Variants in PLAGL1 observed in about 807,000 individuals in gnomAD.
PLAGL1 encodes PLAG1 like zinc finger 1, also known as zinc finger protein PLAGL1.
In PLAGL1, 1 loss-of-function variant was observed where a neutral mutation model predicts 4.6. That is an observed-to-expected ratio of 0.22 (90% CI 0.08 to 1.03). The LOEUF (loss-of-function observed/expected upper bound fraction) is 1.03. Among genes scored for constraint, PLAGL1 ranks in the 50% least tolerant of loss-of-function variants. The pLI is 0.58. For missense variants in PLAGL1, 464 were observed against 570.4 expected (o/e 0.81, Z 1.90); for synonymous variants, 240 against 237.8 (o/e 1.01, Z -0.08).
rs910760170 is a variant in PLAGL1 at position 143,942,877 on chromosome 6, G to A, written c.153-214C>T. Among the ~76,000 whole-genome samples, 1 of 151,664 alleles carries A rather than the reference G, an allele frequency of 6.6e-6. No homozygotes were observed. The highest frequency in any genetic ancestry group is 1.5e-5 in the Non-Finnish European group (1 of 67,968). On this transcript the variant is annotated intron_variant, in intron 7 of 7. Transcript: ENST00000674357. The surrounding 1 kb of genome is among the most constrained non-coding windows in gnomAD (Gnocchi z 7.6). ...AATACATTTTTCACACCTATAAAACGTTTTTTGAGACAGGATCTGACTCTT... is the reference window on the plus strand; with the variant it reads ...AATACATTTTTCACACCTATAAAACATTTTTTGAGACAGGATCTGACTCTT...
intron 1 of PLAGL1, among the ~76,000 whole-genome samples, chr6:144,019,309 TA>T (rs1238990611): frequency 1.3e-5 from 2 of 152,014 alleles, no homozygotes; most frequent in African/African-American, 4.8e-5. Context: ...CCGTCTCTAC[TA>T]AAAATACAAA....
At position 143,990,169 on chromosome 6, in the gene PLAGL1, G is replaced by A. The variant is rs1206871064; in HGVS notation, c.-583-4995C>T. Among the ~76,000 whole-genome samples, 1 of 150,752 alleles carries A rather than the reference G, an allele frequency of 6.6e-6. No homozygotes were observed. The highest frequency in any genetic ancestry group is 2.4e-5 in the African/African-American group (1 of 40,892). The stretch of plus-strand genomic sequence containing the variant: ...TGGAGTCTCGCTCTGTTGCCAGACT[G>A]GAGTGCAGTGGCATGATCTCAGCTC... On this transcript the variant is annotated intron_variant, in intron 1 of 7. Coordinates refer to ENST00000674357, the MANE Select transcript of PLAGL1 (RefSeq NM_001317162.2). The surrounding 1 kb of genome is among the most constrained non-coding windows in gnomAD (Gnocchi z 5.4).
Position 143,971,646 on chromosome 6 carries a change from C to T in PLAGL1, c.-543-2668G>A, listed in dbSNP as rs1467494010. ...ATCAAAATTTCCCTTAGACTTTTCA[C>T]TAAGAAGCAAAGCTGTTTGTTTGCC... On this transcript the variant is annotated intron_variant, in intron 2 of 7. Coordinates refer to ENST00000674357, the MANE Select transcript of PLAGL1 (RefSeq NM_001317162.2). The surrounding 1 kb of genome is among the most constrained non-coding windows in gnomAD (Gnocchi z 4.7). Among the ~76,000 whole-genome samples, 1 of 152,166 alleles carries T rather than the reference C, an allele frequency of 6.6e-6. No homozygotes were observed. Among genetic ancestry groups the T allele is most frequent in the Non-Finnish European group, 1.5e-5 (1 of 68,026 alleles).
rs557041362 is a variant in PLAGL1 at position 143,953,886 on chromosome 6, G to A, written c.-324-5426C>T. ...GGAAACAGGTATGAAAGCAGCAGGT[G>A]AAAGTCTGTTAGTGAAGCACTGAGC... On this transcript the variant is annotated intron_variant, in intron 6 of 7. Coordinates refer to ENST00000674357, the MANE Select transcript of PLAGL1 (RefSeq NM_001317162.2). This position sits in a 1 kb window ranked among gnomAD's most constrained non-coding sequence, Gnocchi z 5.3. Among the ~76,000 whole-genome samples, 12 of 152,346 alleles carry A rather than the reference G, an allele frequency of 7.9e-5. No homozygotes were observed. Among genetic ancestry groups the A allele is most frequent in the African/African-American group, 2.9e-4 (12 of 41,576 alleles).
Position 143,975,967 on chromosome 6 carries a change from C to A in PLAGL1, c.-543-6989G>T, listed in dbSNP as rs1038633732. ...CTTTCATGTTTTCAAAGAACTAACA[C>A]ATATCTTACTTCGTTGACCCTCACA... On this transcript the variant is annotated intron_variant, in intron 2 of 7. Coordinates refer to ENST00000674357, the MANE Select transcript of PLAGL1 (RefSeq NM_001317162.2). The surrounding 1 kb of genome is among the most constrained non-coding windows in gnomAD (Gnocchi z 5.8). 6.6e-6 allele frequency among the ~76,000 whole-genome samples: 1 copy of A among 152,322 alleles called. No homozygotes were observed. The highest frequency in any genetic ancestry group is 1.9e-4 in the East Asian group (1 of 5,188).
chr6:143,991,616 C>A (rs1790492345), intron 1 of PLAGL1, among the ~76,000 whole-genome samples: 1 of 152,200 alleles, frequency 6.6e-6, no homozygotes, highest in African/African-American at 2.4e-5. Context: ...TCCATTCTGG[C>A]CTTTCTCTAG....
chr6:144,026,234 CAA>C (rs1446649595), intron 1 of PLAGL1, among the ~76,000 whole-genome samples: 1 of 152,082 alleles, frequency 6.6e-6, no homozygotes, highest in Non-Finnish European at 1.5e-5. Context: ...GATTTAAAGC[CAA>C]AAGAGTTTGA....
At chr6:144,033,548 T>G (rs1472657044) in intron 1 of PLAGL1, among the ~76,000 whole-genome samples, 1 of 152,146 alleles carries the variant, frequency 6.6e-6, no homozygotes, top group Non-Finnish European at 1.5e-5. Context: ...CAGAAGGAAA[T>G]GAGGAACACA....
chr6:143,984,465 T>C lies in PLAGL1; in HGVS notation c.-544+670A>G, dbSNP rs993113758. The stretch of plus-strand genomic sequence containing the variant: ...CCATATGCTCATTTTCCATATAATA[T>C]CAGTTAACATCCTAAGGAATGAGTA... On this transcript the variant is annotated intron_variant, in intron 2 of 7. Transcript: ENST00000674357. The surrounding 1 kb of genome is among the most constrained non-coding windows in gnomAD (Gnocchi z 5.5). Among the ~76,000 whole-genome samples the C allele has an allele frequency of 2.0e-5, 3 of 152,044 alleles. No individual in the cohort carries two copies.
intron 1 of PLAGL1, among the ~76,000 whole-genome samples, chr6:144,045,443 A>C (rs2128720491): frequency 6.6e-6 from 1 of 152,246 alleles, no homozygotes; most frequent in East Asian, 1.9e-4. Flanking sequence ...TTCACTTATG[A>C]AGAAGCTTAG....
At position 143,941,669 on chromosome 6, in the gene PLAGL1, G is replaced by A. The variant is rs764612601; in HGVS notation, c.1147C>T (p.Leu383=). The change falls in exon 8 of 8, where the codon CTG becomes TTG. Residue 383 remains leucine, a synonymous_variant. Coordinates refer to ENST00000674357, the MANE Select transcript of PLAGL1 (RefSeq NM_001317162.2). This position sits in a 1 kb window ranked among gnomAD's most constrained non-coding sequence, Gnocchi z 6.0. The stretch of plus-strand genomic sequence containing the variant: ...GGGGGCAGCTGCCAGAAGCCCAACA[G>A]GGGGGACAGGTCCAGAGAGGCAGGT... ...TIPASLDLSP[L]LGFWQLPPPA... 5 of 1,614,082 alleles carry A rather than the reference G, an allele frequency of 3.1e-6. No homozygotes were observed. The highest frequency in any genetic ancestry group is 4.2e-6 in the Non-Finnish European group (5 of 1,180,012).
rs1268720741 is a variant in PLAGL1, at chr6:144,048,405, T to C, written c.-151+16063A>G. Reference sequence around the variant, plus strand: ...CCTCCTGGACTACGCTAGCAGAGGTTCTCCATGAGAGCTCCACCCCTGCAG... The same window carrying C: ...CCTCCTGGACTACGCTAGCAGAGGTCCTCCATGAGAGCTCCACCCCTGCAG... On this transcript the variant is annotated intron_variant, in intron 1 of 3. Transcript: ENST00000437412. The surrounding 1 kb of genome is among the most constrained non-coding windows in gnomAD (Gnocchi z 4.8). Among the ~76,000 whole-genome samples, 1 of 152,166 alleles carries C rather than the reference T, an allele frequency of 6.6e-6. No homozygotes were observed. Among genetic ancestry groups the C allele is most frequent in the South Asian group, 2.1e-4 (1 of 4,824 alleles).
chr6:144,057,617 A>T (rs1250506648), intron 1 of PLAGL1, among the ~76,000 whole-genome samples: 1 of 152,128 alleles, frequency 6.6e-6, no homozygotes, highest in East Asian at 1.9e-4. Context: ...CATTCCCTTC[A>T]ATCTTTCTCT....
intron 1 of PLAGL1, among the ~76,000 whole-genome samples, chr6:144,003,554 G>A (rs1192175618): frequency 6.6e-6 from 1 of 151,408 alleles, no homozygotes; most frequent in Non-Finnish European, 1.5e-5. Context: ...AACCTGGGAG[G>A]CGGAGTTTGC....
rs1456345069 is a variant in PLAGL1 at position 143,985,223 on chromosome 6, C to T, written c.-583-49G>A. The T allele has an allele frequency of 2.6e-5, 4 of 152,176 alleles. No homozygotes were observed. Among genetic ancestry groups the T allele is most frequent in the Non-Finnish European group, 5.9e-5 (4 of 68,024 alleles). 9.4% of individuals were successfully genotyped at this position (152,176 alleles called of 1,614,324 possible). On this transcript the variant is annotated intron_variant, in intron 1 of 7. Coordinates refer to ENST00000674357, the MANE Select transcript of PLAGL1 (RefSeq NM_001317162.2). This position sits in a 1 kb window ranked among gnomAD's most constrained non-coding sequence, Gnocchi z 4.4. ...TAGTTTTGTATAATATTTGCACATG[C>T]ATTTGTTAATTATAATTTTGAGATC...
intron 1 of PLAGL1, among the ~76,000 whole-genome samples, chr6:144,043,659 T>C (rs1398434898): frequency 7.2e-5 from 11 of 152,016 alleles, no homozygotes; most frequent in African/African-American, 2.7e-4. Flanking sequence ...GTGTCTCTGC[T>C]AGGCTTTGGT....
intron 1 of PLAGL1, among the ~76,000 whole-genome samples, chr6:144,041,998 T>C (rs1378379884): frequency 6.6e-6 from 1 of 152,228 alleles, no homozygotes; most frequent in African/African-American, 2.4e-5. Context: ...GAAGTATCTG[T>C]TCATATCCTT....
chr6:144,040,876 C>T (rs1797674304), intron 1 of PLAGL1, among the ~76,000 whole-genome samples: 1 of 151,776 alleles, frequency 6.6e-6, no homozygotes, highest in African/African-American at 2.4e-5. Context: ...GACTCTGTCT[C>T]AAAAACAAAA....
Position 143,989,402 on chromosome 6 carries a change from C to G in PLAGL1, c.-583-4228G>C, listed in dbSNP as rs554916966. Among the ~76,000 whole-genome samples the G allele has an allele frequency of 2.6e-5, 4 of 152,322 alleles. No homozygotes were observed. The East Asian group carries it at 7.7e-4, about 29-fold the overall frequency. On this transcript the variant is annotated intron_variant, in intron 1 of 7. Coordinates refer to ENST00000674357, the MANE Select transcript of PLAGL1 (RefSeq NM_001317162.2). The surrounding 1 kb of genome is among the most constrained non-coding windows in gnomAD (Gnocchi z 4.8). ...TGTTGGTGGAGTTCGGAGCATACCA[C>G]CCTCCCAAATATGGGCTGGCATCAT...
Sources: allele counts gnomAD v4.1 joint callset (sites outside exome capture counted in the v4.1 genomes callset), GRCh38; gene constraint gnomAD v4.1.1; non-coding constraint Gnocchi (gnomAD v3.1); transcripts MANE v1.5; gene names NCBI Gene and HGNC (gene_info 2026-07-23, HGNC 2026-07-21).